CDH15: variants seen among roughly 807,000 people sequenced by gnomAD.
CDH15 encodes the protein cadherin-15.
In CDH15, 73 loss-of-function variants were observed where a neutral mutation model predicts 69.4. That is an observed-to-expected ratio of 1.05 (90% CI 0.87 to 1.28). CDH15 has a LOEUF of 1.28. Among genes scored for constraint, CDH15 ranks in the 50% most tolerant of loss-of-function variants. The pLI, the probability that CDH15 is intolerant of heterozygous loss-of-function variation, is 0.00. For missense variants in CDH15, 1,343 were observed against 1,133.6 expected (o/e 1.18, Z -2.65); for synonymous variants, 624 against 507.7 (o/e 1.23, Z -3.08).
intron 7 of CDH15, among the ~76,000 whole-genome samples, chr16:89,189,484 T>A (rs558648863): frequency 6.6e-6 from 1 of 152,234 alleles, no homozygotes; most frequent in African/African-American, 2.4e-5. Context: ...CTTGTGTTCG[T>A]CCTTGGGTGA....
chr16:89,179,225 G>A (rs1294753641), intron 1 of CDH15, among the ~76,000 whole-genome samples, 191 bp from the exon 2 acceptor site: 3 of 152,218 alleles, frequency 2.0e-5, no homozygotes, highest in South Asian at 2.1e-4. Flanking sequence ...CGGGGGCGGG[G>A]CTCACGTGCC....
intron 1 of CDH15, among the ~76,000 whole-genome samples, chr16:89,174,565 C>T (rs1227342119): frequency 1.3e-5 from 2 of 152,146 alleles, no homozygotes; most frequent in African/African-American, 4.8e-5. Context: ...CACAGCAGCC[C>T]CTTGGGGTTG....
At chr16:89,174,344 T>C (rs1437744385) in intron 1 of CDH15, among the ~76,000 whole-genome samples, 1 of 151,922 alleles carries the variant, frequency 6.6e-6, no homozygotes, top group Admixed American at 6.6e-5. Flanking sequence ...CTTCGCACTC[T>C]CTTCCCAGGC....
chr16:89,193,284 C>CA (rs1174086779), intron 11 of CDH15, among the ~76,000 whole-genome samples, 186 bp from the exon 12 acceptor site: 4 of 144,298 alleles, frequency 2.8e-5, no homozygotes, highest in Admixed American at 6.9e-5. Context: ...CCTAACCTCG[C>CA]GGCTTCCTCC....
chr16:89,174,947 C>T (rs1272851097), intron 1 of CDH15, among the ~76,000 whole-genome samples: 2 of 152,240 alleles, frequency 1.3e-5, no homozygotes, highest in African/African-American at 4.8e-5. Context: ...GCCCTCCCTC[C>T]ACTGGCCACG....
rs1026779406 is a variant in CDH15, at chr16:89,191,256, C to T, written c.1233-74C>T. The T allele has an allele frequency of 4.4e-5, 69 of 1,551,340 alleles. 1 individual carries two copies. In the South Asian group the frequency reaches 5.4e-4, roughly 12 times the overall value. Reference sequence around the variant, plus strand: ...GCCTGTGTGTGTGCAGTGCATGTCACGCACCCATACCTGACCACACCTGTG... The same window carrying T: ...GCCTGTGTGTGTGCAGTGCATGTCATGCACCCATACCTGACCACACCTGTG... On this transcript the variant is annotated intron_variant, in intron 8 of 13. Coordinates refer to ENST00000289746, the MANE Select transcript of CDH15 (RefSeq NM_004933.3).
chr16:89,172,336 C>A (rs568893531), intron 1 of CDH15, among the ~76,000 whole-genome samples: 4 of 152,226 alleles, frequency 2.6e-5, no homozygotes, highest in Admixed American at 6.5e-5. Flanking sequence ...AAACCCCCCA[C>A]CCCAAGTTCC....
chr16:89,183,187 A>AC (rs1358341185), intron 3 of CDH15: 3 of 208,188 alleles, frequency 1.4e-5, no homozygotes, highest in East Asian at 1.1e-4. Context: ...TATCTCAAAA[A>AC]AAAAAACAAA....
intron 1 of CDH15, among the ~76,000 whole-genome samples, chr16:89,172,105 A>C (rs1915170003): frequency 6.6e-6 from 1 of 152,060 alleles, no homozygotes; most frequent in Non-Finnish European, 1.5e-5. Context: ...CCAGGACTGC[A>C]GAGTGCTGCT....
chr16:89,177,178 C>T (rs1051170709), intron 1 of CDH15, among the ~76,000 whole-genome samples: 43 of 151,846 alleles, frequency 2.8e-4, no homozygotes, highest in African/African-American at 7.5e-4. Context: ...CACGTGGTAC[C>T]GGTGGGGGGC....
intron 1 of CDH15, among the ~76,000 whole-genome samples, chr16:89,177,765 A>T (rs1032505294): frequency 6.6e-6 from 1 of 152,152 alleles, no homozygotes; most frequent in Non-Finnish European, 1.5e-5. Context: ...GTCCGTGCCG[A>T]GCCGAGTGGG....
At chr16:89,194,686 C>T (rs1915754985) in intron 13 of CDH15, among the ~76,000 whole-genome samples, 176 bp from the exon 14 acceptor site, 1 of 152,188 alleles carries the variant, frequency 6.6e-6, no homozygotes, top group Non-Finnish European at 1.5e-5. Flanking sequence ...CTCTTCACAA[C>T]CCTGCTGCTG....
intron 3 of CDH15, 51 bp downstream of exon 3, chr16:89,180,406 AG>A: frequency 6.3e-7 from 1 of 1,582,284 alleles, no homozygotes; most frequent in Non-Finnish European, 8.6e-7. Flanking sequence ...CCTGGTGGAA[AG>A]CCAGTGCCCC....
At chr16:89,188,690 A>G (rs1310504309) in intron 7 of CDH15, among the ~76,000 whole-genome samples, 10 of 142,606 alleles carry the variant, frequency 7.0e-5, no homozygotes, top group Admixed American at 6.3e-4. Flanking sequence ...CGGCACACAC[A>G]GATGCCCACG....
rs1172495547 is a variant in CDH15, at chr16:89,187,285, C to G, written c.664-144C>G. On this transcript the variant is annotated intron_variant, in intron 5 of 13. Transcript: ENST00000289746. ...ATGCACTTAGGATCAGGGCAGGATT[C>G]TCAGGGCCACTTGGGGTCTTCAACA... 3.4e-6 allele frequency: 3 copies of G among 892,162 alleles called. No homozygotes were observed. In the Admixed American group the frequency reaches 6.0e-5, roughly 18 times the overall value. The allele number at this position is 892,162 out of a possible 1,614,324, so 55.3% of individuals were successfully genotyped here. A position where few individuals can be genotyped will look rare whatever the true frequency, so the allele number is the denominator to read the frequency against.
At chr16:89,192,476 TC>T (rs1915674073) in intron 11 of CDH15, 32 bp downstream of exon 11, 1 of 1,555,750 alleles carries the variant, frequency 6.4e-7, no homozygotes, top group Admixed American at 1.8e-5. Context: ...ACCTGGACCC[TC>T]GGACCCTCGG....
intron 10 of CDH15, 98 bp from the exon 11 acceptor site, chr16:89,192,107 C>T (rs2151604394): frequency 7.1e-7 from 1 of 1,417,300 alleles, no homozygotes; most frequent in Non-Finnish European, 9.3e-7. Flanking sequence ...GACCCAGGCC[C>T]AGGATCTCGG....
Position 89,191,755 on chromosome 16 carries a change from C to T in CDH15, c.1476C>T (p.Cys492=), listed in dbSNP as rs754271018. Residue 492 remains cysteine (C), a synonymous_variant, in exon 10 of 14, where the codon TGC becomes TGT. Coordinates refer to ENST00000289746, the MANE Select transcript of CDH15 (RefSeq NM_004933.3). ...VLAPPPPGSL[C]SEPHQGPGLL... ...CCCCGCCGCCGCCGGGCAGCCTGTG[C>T]AGCGAGCCACACCAAGGCCCAGGCC... The T allele has an allele frequency of 1.2e-6, 2 of 1,604,794 alleles. No homozygotes were observed. The highest frequency in any genetic ancestry group is 2.2e-5 in the South Asian group (2 of 90,986).
intron 5 of CDH15, 41 bp downstream of exon 5, chr16:89,185,374 G>A (rs1915461366): frequency 5.1e-6 from 8 of 1,559,044 alleles, no homozygotes; most frequent in Non-Finnish European, 6.9e-6. Flanking sequence ...GCACGGCCAG[G>A]GCAGCCCATC....
Sources: allele counts gnomAD v4.1 joint callset (sites outside exome capture counted in the v4.1 genomes callset), GRCh38; gene constraint gnomAD v4.1.1; transcripts MANE v1.5; gene names NCBI Gene and HGNC (gene_info 2026-07-23, HGNC 2026-07-21).